The following NIPA1 variants were observed in gnomAD, a reference collection of about 807,000 sequenced individuals.
The protein encoded by NIPA1 is magnesium transporter NIPA1.
NIPA1 carries 13 observed loss-of-function variants against 23.9 expected under a neutral mutation model. The observed-to-expected ratio is 0.54, with a 90% CI of 0.35 to 0.87. The LOEUF (loss-of-function observed/expected upper bound fraction) is 0.87. Among genes scored for constraint, NIPA1 ranks in the 40% least tolerant of loss-of-function variants. The pLI is 0.01. For missense variants in NIPA1, 362 were observed against 429.7 expected (o/e 0.84, Z 1.39); for synonymous variants, 234 against 202.9 (o/e 1.15, Z -1.30).
At chr15:22,791,550 C>A (rs1484852960) in intron 1 of NIPA1, among the ~76,000 whole-genome samples, 4 of 133,446 alleles carry the variant, frequency 3.0e-5, no homozygotes, top group Non-Finnish European at 4.6e-5. Context: ...GTGGTGCCAT[C>A]TCGGCTCACT....
At chr15:22,798,929 A>G (rs940281774) in intron 1 of NIPA1, among the ~76,000 whole-genome samples, 1 of 151,726 alleles carries the variant, frequency 6.6e-6, no homozygotes, top group Admixed American at 6.6e-5. Context: ...TCCCATGTAC[A>G]TATCACCCTT....
chr15:22,793,363 A>AAAAG (rs1894872887), intron 1 of NIPA1, among the ~76,000 whole-genome samples: 1 of 150,124 alleles, frequency 6.7e-6, no homozygotes, highest in Admixed American at 6.6e-5. Context: ...GTCTCAAAAA[A>AAAAG]AAAAAAAAAA....
At chr15:22,812,047 C>T in intron 2 of NIPA1, 116 bp from the exon 3 acceptor site, 1 of 819,608 alleles carries the variant, frequency 1.2e-6, no homozygotes. Flanking sequence ...TGATTCTTCA[C>T]AAGTAATGTG....
chr15:22,788,743 G>A (rs1595628016), intron 1 of NIPA1, among the ~76,000 whole-genome samples: 2 of 151,218 alleles, frequency 1.3e-5, no homozygotes, highest in South Asian at 2.1e-4. Context: ...AAATAAACAA[G>A]CGAGTAGCCT....
chr15:22,807,510 G>C (rs1895233262), intron 1 of NIPA1, among the ~76,000 whole-genome samples: 1 of 152,054 alleles, frequency 6.6e-6, no homozygotes, highest in Non-Finnish European at 1.5e-5. Flanking sequence ...ACTTGAACCT[G>C]GGAGATGGAG....
chr15:22,793,531 G>A (rs1009984263), intron 1 of NIPA1, among the ~76,000 whole-genome samples: 1 of 151,478 alleles, frequency 6.6e-6, no homozygotes, highest in Non-Finnish European at 1.5e-5. Context: ...ACCTCCACCT[G>A]CCAGGTTCAA....
chr15:22,803,365 G>A (rs1895127548), intron 1 of NIPA1, among the ~76,000 whole-genome samples: 1 of 151,634 alleles, frequency 6.6e-6, no homozygotes, highest in Non-Finnish European at 1.5e-5. Flanking sequence ...TATTACGTAT[G>A]TATATATATA....
chr15:22,808,607 G>C (rs1438324245), intron 1 of NIPA1, among the ~76,000 whole-genome samples: 1 of 151,818 alleles, frequency 6.6e-6, no homozygotes, highest in African/African-American at 2.4e-5. Context: ...ATTTTCATTC[G>C]CTTGTTTTAG....
In NIPA1 at chr15:22,823,976, G is replaced by A. The variant is rs775960315; in HGVS notation, c.727G>A (p.Val243Ile). 12 of 1,614,174 alleles carry A rather than the reference G, an allele frequency of 7.4e-6. No individual in the cohort carries two copies. Among genetic ancestry groups the A allele is most frequent in the East Asian group, 2.2e-5 (1 of 44,878 alleles). The change falls in exon 5 of 5, where the codon GTC becomes ATC. Residue 243 changes from valine (V) to isoleucine (I), a missense_variant. Physicochemically the swap from Val to Ile is conservative, Grantham distance 29 (BLOSUM62 3). Coordinates refer to ENST00000337435, the MANE Select transcript of NIPA1 (RefSeq NM_144599.5). ...LLAVLGCSII[V>I]QFRYINKALE... ...GGCCGTGCTCGGCTGCAGCATCATC[G>A]TCCAGTTCAGGTACATCAACAAGGC...
chr15:22,808,720 A>T, intron 1 of NIPA1, among the ~76,000 whole-genome samples: 1 of 136,156 alleles, frequency 7.3e-6, no homozygotes, highest in East Asian at 2.3e-4. Flanking sequence ...CCCAGGCTGG[A>T]ATGAAGTGGC....
chr15:22,802,135 C>G (rs1015042856), intron 1 of NIPA1, among the ~76,000 whole-genome samples: 2 of 151,944 alleles, frequency 1.3e-5, no homozygotes, highest in Middle Eastern at 6.9e-3. Flanking sequence ...GGCTCACGCC[C>G]GTAATCCCAG....
intron 1 of NIPA1, among the ~76,000 whole-genome samples, chr15:22,791,712 C>T (rs999942301): frequency 1.3e-4 from 20 of 151,880 alleles, no homozygotes; most frequent in Non-Finnish European, 2.4e-4. Flanking sequence ...TTCATCCACC[C>T]GCCTCGACCT....
At chr15:22,818,673 T>C (rs1407132465) in intron 3 of NIPA1, among the ~76,000 whole-genome samples, 2 of 151,862 alleles carry the variant, frequency 1.3e-5, no homozygotes, top group African/African-American at 2.4e-5. Context: ...GGCGGGCATC[T>C]GTAATCCCAG....
chr15:22,816,829 T>G (rs1264121855), intron 3 of NIPA1, among the ~76,000 whole-genome samples: 2 of 151,678 alleles, frequency 1.3e-5, no homozygotes, highest in Admixed American at 6.6e-5. Context: ...AAAGAATCAC[T>G]AAGAAATTAT....
upstream of NIPA1, chr15:22,786,544 T>C (rs1894700764): frequency 5.1e-6 from 1 of 197,812 alleles, no homozygotes; most frequent in Admixed American, 6.7e-5. Context: ...CTCTTCCTGC[T>C]CCTCCCCCAC....
At chr15:22,802,517 C>A (rs1595635686) in intron 1 of NIPA1, among the ~76,000 whole-genome samples, 1 of 151,990 alleles carries the variant, frequency 6.6e-6, no homozygotes, top group Non-Finnish European at 1.5e-5. Context: ...AAATCCTCAC[C>A]ACCAAGAAAT....
intron 1 of NIPA1, among the ~76,000 whole-genome samples, chr15:22,809,259 C>T (rs539544670): frequency 3.0e-4 from 46 of 151,990 alleles, no homozygotes; most frequent in Non-Finnish European, 5.3e-4. Flanking sequence ...TGGTGGTGCA[C>T]GCCTGTAATC....
Position 22,805,297 on chromosome 15 carries a change from G to A in NIPA1, c.179-5452G>A, listed in dbSNP as rs536788187. Among the ~76,000 whole-genome samples the A allele has an allele frequency of 2.2e-4, 33 of 152,314 alleles. 1 individual carries two copies. In the South Asian group the frequency reaches 6.6e-3, roughly 31 times the overall value. Reference sequence around the variant, plus strand: ...AGTCCATGAGTTAAGTTGGTGCACAGCAGTGCTCAGTTAATGTTTCAGAAG... The same window carrying A: ...AGTCCATGAGTTAAGTTGGTGCACAACAGTGCTCAGTTAATGTTTCAGAAG... On this transcript the variant is annotated intron_variant, in intron 1 of 4. Transcript: ENST00000337435.
At chr15:22,800,317 A>G (rs1349330956) in intron 1 of NIPA1, among the ~76,000 whole-genome samples, 2 of 152,146 alleles carry the variant, frequency 1.3e-5, no homozygotes, top group African/African-American at 4.8e-5. Context: ...TTTCTTTGTT[A>G]AACATAATAC....
Sources: gnomAD v4.1 joint callset for allele counts (sites outside exome capture counted in the v4.1 genomes callset) on GRCh38, gnomAD v4.1.1 for gene constraint, MANE v1.5 for transcripts, NCBI Gene and HGNC (gene_info 2026-07-23, HGNC 2026-07-21) for gene names.